CTDSPL: variants seen among roughly 807,000 people sequenced by gnomAD.
CTDSPL encodes CTD small phosphatase-like protein.
CTDSPL carries 8 observed loss-of-function variants against 30.5 expected under a neutral mutation model. The ratio of observed to expected loss-of-function variants is 0.26; its 90% confidence interval spans 0.15 to 0.47. The LOEUF is 0.47. Among genes scored for constraint, CTDSPL ranks in the 20% least tolerant of loss-of-function variants. The pLI is 0.99. For missense variants in CTDSPL, 248 were observed against 366.1 expected, an observed-to-expected ratio of 0.68 and a Z score of 2.63; for synonymous variants, 110 against 137.9, an observed-to-expected ratio of 0.80 and a Z score of 1.42.
intron 1 of CTDSPL, among the ~76,000 whole-genome samples, chr3:37,879,186 C>A (rs1698174056): frequency 6.6e-6 from 1 of 152,220 alleles, no homozygotes; most frequent in Non-Finnish European, 1.5e-5. Context: ...AGTCTTCATT[C>A]AGGAAGTATA....
chr3:37,974,312 G>A (rs1190907956), intron 6 of CTDSPL, among the ~76,000 whole-genome samples: 1 of 152,224 alleles, frequency 6.6e-6, no homozygotes, highest in Non-Finnish European at 1.5e-5. Flanking sequence ...GGAGAGGAGA[G>A]GATGTTCCCA....
At chr3:37,946,424 A>G (rs1213086678) in intron 1 of CTDSPL, among the ~76,000 whole-genome samples, 1 of 152,130 alleles carries the variant, frequency 6.6e-6, no homozygotes, top group East Asian at 1.9e-4. Context: ...CCTGCTGTTT[A>G]TGTTTTTTAA....
At chr3:37,897,208 T>G (rs1698399007) in intron 1 of CTDSPL, among the ~76,000 whole-genome samples, 1 of 152,118 alleles carries the variant, frequency 6.6e-6, no homozygotes, top group African/African-American at 2.4e-5. Context: ...TGCTGTGTGG[T>G]GATGTTGTTT....
intron 5 of CTDSPL, chr3:37,969,343 C>T: frequency 4.1e-6 from 2 of 488,092 alleles, no homozygotes; most frequent in South Asian, 1.5e-5. Flanking sequence ...CAGAAATTCT[C>T]TCCCGAGGGA....
At position 37,965,723 on chromosome 3, in the gene CTDSPL, C is replaced by T. The variant is rs1356874532; in HGVS notation, c.369+1051C>T. The stretch of plus-strand genomic sequence containing the variant: ...CCAAACACCTTTCTACCAGAAACAT[C>T]CTTCTTTGTTCTTCTCACTAAACAG... On this transcript the variant is annotated intron_variant, in intron 4 of 7. Coordinates refer to ENST00000273179, the MANE Select transcript of CTDSPL (RefSeq NM_001008392.2). 2.0e-5 allele frequency among the ~76,000 whole-genome samples: 3 copies of T among 152,224 alleles called. No homozygotes were observed. The East Asian group carries it at 5.8e-4, about 29-fold the overall frequency.
intron 7 of CTDSPL, among the ~76,000 whole-genome samples, chr3:37,979,650 G>C (rs1423603386): frequency 6.6e-6 from 1 of 152,180 alleles, no homozygotes; most frequent in Non-Finnish European, 1.5e-5. Context: ...TATAGTCCCA[G>C]CTACTTGGGA....
intron 6 of CTDSPL, among the ~76,000 whole-genome samples, chr3:37,973,705 C>T (rs1699393496): frequency 1.3e-5 from 2 of 152,254 alleles, no homozygotes; most frequent in African/African-American, 4.8e-5. Context: ...GCTTCATTGT[C>T]ATTCCTTCCT....
intron 1 of CTDSPL, among the ~76,000 whole-genome samples, chr3:37,863,168 A>T (rs1425203224): frequency 6.6e-6 from 1 of 152,010 alleles, no homozygotes; most frequent in Non-Finnish European, 1.5e-5. Context: ...TGTTGGGAGG[A>T]CTTACAAGGC....
intron 1 of CTDSPL, among the ~76,000 whole-genome samples, chr3:37,943,426 C>A (rs2125620799): frequency 6.7e-6 from 1 of 149,750 alleles, no homozygotes; most frequent in South Asian, 2.2e-4. Context: ...GTAAGGTGGG[C>A]AGGTGCTGGG....
chr3:37,958,620 C>A (rs760885932), intron 3 of CTDSPL, among the ~76,000 whole-genome samples: 1 of 152,060 alleles, frequency 6.6e-6, no homozygotes, highest in Non-Finnish European at 1.5e-5. Context: ...GACCCTTTTC[C>A]CACAAATGTA....
chr3:37,980,752 A>G lies in CTDSPL; in HGVS notation c.716A>G (p.Gln239Arg). 1.2e-6 allele frequency: 2 copies of G among 1,614,220 alleles called. No individual in the cohort carries two copies. The highest frequency in any genetic ancestry group is 1.7e-6 in the Non-Finnish European group (2 of 1,180,036). Residue 239 changes from glutamine to arginine, a missense_variant, in exon 8 of 8, where the codon CAG (glutamine) becomes CGG (arginine). Around this residue, in one of 4 missense-constraint regions of CTDSPL, gnomAD observed 84 missense variants for 139.4 expected, o/e 0.60. Coordinates refer to ENST00000273179, the MANE Select transcript of CTDSPL (RefSeq NM_001008392.2). ...IFHPENAVPV[Q>R]SWFDDMTDTE... is the part of the protein sequence containing the mutation. Reference sequence around the variant, plus strand: ...TGCACTGTCTTCCAGGTGCCTGTGCAGTCCTGGTTCGATGACATGACGGAC... The same window carrying G: ...TGCACTGTCTTCCAGGTGCCTGTGCGGTCCTGGTTCGATGACATGACGGAC...
At chr3:37,898,313 C>T (rs559568658) in intron 1 of CTDSPL, among the ~76,000 whole-genome samples, 3 of 152,266 alleles carry the variant, frequency 2.0e-5, no homozygotes, top group Non-Finnish European at 2.9e-5. Flanking sequence ...AGTGCTGCAT[C>T]AGAGACTTTC....
rs117991256 is a variant in CTDSPL at position 37,953,967 on chromosome 3, T to G, written c.235-3144T>G. Among the ~76,000 whole-genome samples the G allele has an allele frequency of 3.9e-5, 6 of 152,342 alleles. No homozygotes were observed. In the East Asian group the frequency reaches 1.2e-3, roughly 29 times the overall value. On this transcript the variant is annotated intron_variant, in intron 2 of 7. Transcript: ENST00000273179. ...CCCAAAAGACTCCACCAAAGTTGATTCAAATCATAACAGATTTTGATTTCT... is the reference window on the plus strand; with the variant it reads ...CCCAAAAGACTCCACCAAAGTTGATGCAAATCATAACAGATTTTGATTTCT...
intron 1 of CTDSPL, among the ~76,000 whole-genome samples, chr3:37,880,709 C>T (rs1349026651): frequency 1.3e-5 from 2 of 152,212 alleles, no homozygotes; most frequent in African/African-American, 4.8e-5. Context: ...TTACCACTTA[C>T]ACACTATATC....
intron 1 of CTDSPL, among the ~76,000 whole-genome samples, chr3:37,936,099 G>C (rs1698912225): frequency 6.6e-6 from 1 of 152,160 alleles, no homozygotes; most frequent in South Asian, 2.1e-4. Context: ...TGCCTTTGTG[G>C]AAGATGAGAG....
At chr3:37,872,570 A>ATTT (rs1559621242) in intron 1 of CTDSPL, among the ~76,000 whole-genome samples, 11 of 54,232 alleles carry the variant, frequency 2.0e-4, no homozygotes, top group South Asian at 6.0e-4. Flanking sequence ...AAATTCTTTT[A>ATTT]TCTTTTTTTT....
At chr3:37,946,780 TTAA>T (rs1186356987) in intron 1 of CTDSPL, among the ~76,000 whole-genome samples, 1 of 152,106 alleles carries the variant, frequency 6.6e-6, no homozygotes, top group East Asian at 1.9e-4. Flanking sequence ...GGTGGGTCAG[TTAA>T]TAAGCAGGCA....
At chr3:37,876,237 G>A (rs535045853) in intron 1 of CTDSPL, among the ~76,000 whole-genome samples, 112 of 151,790 alleles carry the variant, frequency 7.4e-4, no homozygotes, top group African/African-American at 2.3e-3. Context: ...GAGCAAGACC[G>A]TGTCTCATTA....
Position 37,914,873 on chromosome 3 carries a change from C to CTTTTTTT in CTDSPL, c.80-32165_80-32159dup, listed in dbSNP as rs11304152. The stretch of plus-strand genomic sequence containing the variant: ...AGAGTTTATATAAGATATATATGTT[C>CTTTTTTT]TTTTTTTTTTTTTTTTTTTTTTTTT... On this transcript the variant is annotated intron_variant, in intron 1 of 7. Coordinates refer to ENST00000273179, the MANE Select transcript of CTDSPL (RefSeq NM_001008392.2). 4.0e-3 allele frequency among the ~76,000 whole-genome samples: 206 copies of CTTTTTTT among 51,280 alleles called. 27 individuals are homozygous for CTTTTTTT. Among genetic ancestry groups the CTTTTTTT allele is most frequent in the Middle Eastern group, 0.018 (1 of 56 alleles). The allele number at this position is 51,280 out of a possible 152,430, so 33.6% of individuals were successfully genotyped here. A position where few individuals can be genotyped will look rare whatever the true frequency, so the allele number is the denominator to read the frequency against.
Sources: gnomAD v4.1 joint callset for allele counts (sites outside exome capture counted in the v4.1 genomes callset) on GRCh38, gnomAD v4.1.1 for gene constraint, gnomAD v4.1.1 regional missense constraint, MANE v1.5 for transcripts, NCBI Gene and HGNC (gene_info 2026-07-23, HGNC 2026-07-21) for gene names.